The following NELL1 variants were observed in gnomAD, a reference collection of about 807,000 sequenced individuals.
NELL1 encodes the protein protein kinase C-binding protein NELL1.
In NELL1, 76 loss-of-function variants were observed where a neutral mutation model predicts 107.4. That is an observed-to-expected ratio of 0.71 (90% CI 0.59 to 0.86). NELL1 has a LOEUF of 0.86. Among genes scored for constraint, NELL1 ranks in the 40% least tolerant of loss-of-function variants. The pLI is 0.00. For synonymous variants in NELL1, 353 were observed against 341.2 expected (o/e 1.03, Z -0.38); for missense variants, 1,024 against 1,005.5 (o/e 1.02, Z -0.25).
intron 2 of NELL1, among the ~76,000 whole-genome samples, chr11:20,696,184 A>G (rs563803375): frequency 6.6e-6 from 1 of 152,062 alleles, no homozygotes; most frequent in Admixed American, 6.6e-5. Context: ...TTGTTAATCT[A>G]GCTAGTGCTC....
At chr11:20,935,083 C>G (rs1459608964) in intron 9 of NELL1, among the ~76,000 whole-genome samples, 1 of 152,124 alleles carries the variant, frequency 6.6e-6, no homozygotes, top group East Asian at 1.9e-4. Context: ...ATTATTATTA[C>G]TCTCAATAAA....
intron 2 of NELL1, among the ~76,000 whole-genome samples, chr11:20,682,749 C>T (rs566607350): frequency 2.0e-5 from 3 of 152,132 alleles, no homozygotes; most frequent in African/African-American, 4.8e-5. Flanking sequence ...ACTTACCTCT[C>T]CCAACCTCCA....
intron 12 of NELL1, among the ~76,000 whole-genome samples, chr11:21,095,754 G>C (rs1251713763): frequency 1.3e-5 from 2 of 152,084 alleles, no homozygotes; most frequent in African/African-American, 4.8e-5. Flanking sequence ...GGGATTACAG[G>C]CATGCACCAC....
chr11:21,164,527 C>T (rs952712023), intron 13 of NELL1, among the ~76,000 whole-genome samples: 1 of 152,084 alleles, frequency 6.6e-6, no homozygotes, highest in African/African-American at 2.4e-5. Flanking sequence ...TGGCTAAGTC[C>T]TGTTTTCTCC....
intron 9 of NELL1, among the ~76,000 whole-genome samples, chr11:20,937,020 T>A (rs191242091): frequency 6.6e-6 from 1 of 152,268 alleles, no homozygotes; most frequent in East Asian, 1.9e-4. Flanking sequence ...TTTTTTCCTG[T>A]TGAAGTGGAT....
chr11:21,201,296 C>A (rs752990492), intron 13 of NELL1, among the ~76,000 whole-genome samples: 5 of 152,072 alleles, frequency 3.3e-5, no homozygotes, highest in African/African-American at 4.8e-5. Flanking sequence ...TATGTCCTCT[C>A]GTATTTCCTT....
intron 2 of NELL1, among the ~76,000 whole-genome samples, chr11:20,720,271 G>A (rs1004152684): frequency 2.0e-5 from 3 of 150,706 alleles, no homozygotes; most frequent in African/African-American, 7.3e-5. Flanking sequence ...GCAGTGGTGC[G>A]ATCTCAGCTC....
chr11:20,804,093 C>T (rs911369411), intron 3 of NELL1, among the ~76,000 whole-genome samples: 1 of 151,810 alleles, frequency 6.6e-6, no homozygotes, highest in African/African-American at 2.4e-5. Context: ...TTAGTTCTGC[C>T]CCTCTAGAGA....
intron 2 of NELL1, among the ~76,000 whole-genome samples, chr11:20,682,303 T>C (rs935388724): frequency 1.3e-5 from 2 of 151,398 alleles, no homozygotes; most frequent in Non-Finnish European, 3.0e-5. Context: ...CAGATAAAAG[T>C]AATTATATAT....
chr11:21,109,511 C>A (rs1290071781), intron 12 of NELL1, among the ~76,000 whole-genome samples: 1 of 152,072 alleles, frequency 6.6e-6, no homozygotes, highest in Non-Finnish European at 1.5e-5. Flanking sequence ...ATGAATATGA[C>A]CATTGCTCAA....
chr11:21,483,174 T>G (rs189181859), intron 15 of NELL1, among the ~76,000 whole-genome samples: 101 of 152,246 alleles, frequency 6.6e-4, no homozygotes, highest in African/African-American at 2.4e-3. Context: ...GTATTGATGG[T>G]GCAAGTCAAG....
At chr11:21,129,665 AAAC>A (rs1855570601) in intron 13 of NELL1, among the ~76,000 whole-genome samples, 1 of 152,230 alleles carries the variant, frequency 6.6e-6, no homozygotes, top group Non-Finnish European at 1.5e-5. Flanking sequence ...AGAAATAGAC[AAAC>A]ACTGCATGAT....
intron 15 of NELL1, among the ~76,000 whole-genome samples, chr11:21,388,931 G>C (rs570013243): frequency 2.3e-4 from 35 of 151,756 alleles, no homozygotes; most frequent in Admixed American, 2.1e-3. Flanking sequence ...TTCCCTGGTT[G>C]AACACTGTCA....
chr11:21,358,274 G>A (rs1275714423), intron 14 of NELL1, among the ~76,000 whole-genome samples: 2 of 152,152 alleles, frequency 1.3e-5, no homozygotes, highest in Non-Finnish European at 2.9e-5. Context: ...ACTCATCCAT[G>A]AGCATAGGAT....
rs141499818 is a variant in NELL1, at chr11:20,987,626, G to A, written c.1300+27066G>A. On this transcript the variant is annotated intron_variant, in intron 12 of 19. Coordinates refer to ENST00000357134, the MANE Select transcript of NELL1 (RefSeq NM_006157.5). ...AGAACAGCATGGAGGTAACCACTCC[G>A]ATGATTCAATTACCTCCCACCGGGT... is the stretch of plus-strand genomic sequence containing the variant. 6.9e-3 allele frequency among the ~76,000 whole-genome samples: 1,045 copies of A among 152,192 alleles called. 10 individuals carry two copies. Among genetic ancestry groups the A allele is most frequent in the African/African-American group, 0.024 (994 of 41,512 alleles).
chr11:21,300,826 C>T (rs2133971369), intron 14 of NELL1, among the ~76,000 whole-genome samples: 1 of 152,176 alleles, frequency 6.6e-6, no homozygotes, highest in South Asian at 2.1e-4. Flanking sequence ...CATATGTATA[C>T]ATGTCCCATG....
chr11:20,854,293 A>G (rs1564935076), intron 4 of NELL1, among the ~76,000 whole-genome samples: 1 of 152,136 alleles, frequency 6.6e-6, no homozygotes, highest in Non-Finnish European at 1.5e-5. Flanking sequence ...CCTAAGTATA[A>G]AATGTGGGGC....
chr11:21,106,431 T>TA (rs1854971118), intron 12 of NELL1, among the ~76,000 whole-genome samples: 1 of 152,168 alleles, frequency 6.6e-6, no homozygotes, highest in Admixed American at 6.6e-5. Context: ...TAAGCACTGT[T>TA]TCTTATCACA....
intron 13 of NELL1, among the ~76,000 whole-genome samples, chr11:21,201,611 C>T (rs928284929): frequency 2.6e-5 from 4 of 151,992 alleles, no homozygotes; most frequent in African/African-American, 4.8e-5. Context: ...ATTTGAATAC[C>T]TTTTATTTCT....
Sources: gnomAD v4.1 joint callset for allele counts (sites outside exome capture counted in the v4.1 genomes callset) on GRCh38, gnomAD v4.1.1 for gene constraint, MANE v1.5 for transcripts, NCBI Gene and HGNC (gene_info 2026-07-23, HGNC 2026-07-21) for gene names.